The following TRAPPC4 variants were observed in gnomAD, a reference collection of about 807,000 sequenced individuals.
TRAPPC4 encodes the protein trafficking protein particle complex subunit 4.
A neutral mutation model predicts 23.5 loss-of-function variants in TRAPPC4; 30 were observed. That is an observed-to-expected ratio of 1.28 (90% CI 0.96 to 1.73). The LOEUF (loss-of-function observed/expected upper bound fraction) is 1.73, where lower values mean the gene tolerates loss of function less well. Among genes scored for constraint, TRAPPC4 ranks in the 40% most tolerant of loss-of-function variants. The probability of loss-of-function intolerance (pLI) is 0.00; values close to 1 mark genes in which losing one functional copy is unlikely to be tolerated. For missense variants in TRAPPC4, 252 were observed against 268.9 expected (o/e 0.94, Z 0.44); for synonymous variants, 129 against 105.3 (o/e 1.23, Z -1.38).
chr11:119,020,376 C>A, intron 3 of TRAPPC4, 123 bp downstream of exon 3: 2 of 702,930 alleles, frequency 2.8e-6, no homozygotes, highest in Non-Finnish European at 5.0e-6. Flanking sequence ...GGGGGTTGAC[C>A]AAAGACACCT....
intron 1 of TRAPPC4, 59 bp downstream of exon 1, chr11:119,019,029 A>G: frequency 6.3e-7 from 1 of 1,593,292 alleles, no homozygotes; most frequent in Non-Finnish European, 8.6e-7. Context: ...GTGCTGTAGA[A>G]GTGGGCTGGT....
rs1287833370 is a variant in TRAPPC4, at chr11:119,019,291, G to T, written c.324G>T (p.Lys108Asn). Residue 108 changes from lysine (K) to asparagine (N), a missense_variant, in exon 2 of 5, where the codon AAG becomes AAT. Coordinates refer to ENST00000533632, the MANE Select transcript of TRAPPC4 (RefSeq NM_016146.6). ...FGRPRLTSNE[K>N]LMLASMFHSL... ...GGCCCCGCCTCACTTCTAATGAGAA[G>T]CTTATGCTGGCCTCCATGTTCCACT... is the stretch of plus-strand genomic sequence containing the variant. 3 of 1,614,042 alleles carry T rather than the reference G, an allele frequency of 1.9e-6. No individual in the cohort carries two copies. The East Asian group carries it at 6.7e-5, about 36-fold the overall frequency.
intron 2 of TRAPPC4, chr11:119,019,817 C>T (rs1943293301): frequency 9.7e-6 from 2 of 206,862 alleles, no homozygotes; most frequent in South Asian, 1.8e-4. Context: ...GCCAGTTTAA[C>T]TAAATGACCT....
chr11:119,023,570 T>C lies in TRAPPC4; in HGVS notation c.*171T>C, dbSNP rs1943460609. 2 of 588,950 alleles carry C rather than the reference T, an allele frequency of 3.4e-6. No individual in the cohort carries two copies. The highest frequency in any genetic ancestry group is 6.1e-6 in the Non-Finnish European group (2 of 325,418). The allele number at this position is 588,950 out of a possible 1,614,324, so 36.5% of individuals were successfully genotyped here. A position where few individuals can be genotyped will look rare whatever the true frequency, so the allele number is the denominator to read the frequency against. On this transcript the variant is annotated 3_prime_UTR_variant, in exon 5 of 5. Transcript: ENST00000533632. ...GCCTTAACACTGTGCTCTTTCCTTC[T>C]GTATATACCATGGTCTTACTTTCCA...
rs111445695 is a variant in TRAPPC4, at chr11:119,019,781, C to T, written c.351-369C>T. On this transcript the variant is annotated intron_variant, in intron 2 of 4. Coordinates refer to ENST00000533632, the MANE Select transcript of TRAPPC4 (RefSeq NM_016146.6). ...TTAAAGTCAACTTCTCTTCTCTGAG[C>T]CTTAGTTTCTTCATATTTAAAGAAA... 1.3e-3 allele frequency: 255 copies of T among 202,984 alleles called. 2 individuals are homozygous for T. Among genetic ancestry groups the T allele is most frequent in the Non-Finnish European group, 1.8e-3 (177 of 98,008 alleles). The allele number at this position is 202,984 out of a possible 1,614,324, so 12.6% of individuals were successfully genotyped here.
Position 119,020,142 on chromosome 11 carries a change from G to T in TRAPPC4, c.351-8G>T. On this transcript the variant is annotated splice_region_variant and splice_polypyrimidine_tract_variant and intron_variant, in intron 2 of 4. Transcript: ENST00000533632. The stretch of plus-strand genomic sequence containing the variant: ...TCCTTAGAGCAACTTTGCCTCCTTT[G>T]CATATAGGCTCTTTGCCATCGGCTC... The T allele has an allele frequency of 1.2e-6, 2 of 1,611,460 alleles. No individual in the cohort carries two copies. The highest frequency in any genetic ancestry group is 8.5e-7 in the Non-Finnish European group (1 of 1,178,014).
chr11:119,022,823 T>A (rs1943406690), intron 4 of TRAPPC4, among the ~76,000 whole-genome samples: 1 of 151,582 alleles, frequency 6.6e-6, no homozygotes, highest in Non-Finnish European at 1.5e-5. Context: ...ATCGCTTCAA[T>A]CTGGGAGGAA....
At chr11:119,019,033 G>A in intron 1 of TRAPPC4, 63 bp downstream of exon 1, 1 of 1,593,462 alleles carries the variant, frequency 6.3e-7, no homozygotes, top group South Asian at 1.1e-5. Flanking sequence ...TGTAGAAGTG[G>A]GCTGGTTGTA....
In TRAPPC4 at chr11:119,018,984, G is replaced by A. The variant is rs1272075082; in HGVS notation, c.175+14G>A. The A allele has an allele frequency of 3.7e-6, 6 of 1,608,286 alleles. No individual in the cohort carries two copies. The Admixed American group carries it at 6.7e-5, about 18-fold the overall frequency. ...ACGGCATCCGAGGTGGGCTAGGCTC[G>A]GGCCCGTGGCGGGTGCGGGGGTGGG... is the stretch of plus-strand genomic sequence containing the variant. On this transcript the variant is annotated intron_variant, in intron 1 of 4. Coordinates refer to ENST00000533632, the MANE Select transcript of TRAPPC4 (RefSeq NM_016146.6).
At chr11:119,021,418 C>T (rs73559184) in intron 3 of TRAPPC4, 10,671 of 207,208 alleles carry the variant, frequency 0.051, 1,163 homozygotes, top group African/African-American at 0.23. Flanking sequence ...CTTTGGATTG[C>T]CAGTGTCATT....
At chr11:119,020,076 G>A in intron 2 of TRAPPC4, 74 bp from the exon 3 acceptor site, 1 of 1,077,592 alleles carries the variant, frequency 9.3e-7, no homozygotes. Context: ...GAACTCCTCA[G>A]CAAATAGGGA....
At chr11:119,023,178 T>A in intron 4 of TRAPPC4, 143 bp from the exon 5 acceptor site, 1 of 707,402 alleles carries the variant, frequency 1.4e-6, no homozygotes, top group South Asian at 1.7e-5. Flanking sequence ...TTGGCCAGGC[T>A]AGTCTCAAAG....
chr11:119,022,032 TGG>T (rs1260759259), intron 4 of TRAPPC4, 146 bp downstream of exon 4: 70 of 1,056,996 alleles, frequency 6.6e-5, no homozygotes, highest in Non-Finnish European at 9.1e-5. Context: ...TTGCCCAGGC[TGG>T]AGTGCAATGA....
At chr11:119,022,775 T>G (rs1943403743) in intron 4 of TRAPPC4, among the ~76,000 whole-genome samples, 1 of 111,320 alleles carries the variant, frequency 9.0e-6, no homozygotes. Context: ...CGTGTGCACC[T>G]GCAATCCCAG....
intron 4 of TRAPPC4, among the ~76,000 whole-genome samples, chr11:119,022,566 C>A (rs1436250718): frequency 6.6e-6 from 1 of 151,138 alleles, no homozygotes; most frequent in Non-Finnish European, 1.5e-5. Flanking sequence ...CCAGCCTGGG[C>A]AACAGAACAA....
chr11:119,020,649 G>A (rs747469481), intron 3 of TRAPPC4: 80 of 161,688 alleles, frequency 4.9e-4, no homozygotes, highest in South Asian at 1.0e-3. Context: ...GTGATTGCCC[G>A]CCTCCCAAAG....
chr11:119,023,193 G>GACCTCAGCTGATCCGCCC, intron 4 of TRAPPC4, 128 bp from the exon 5 acceptor site: 1 of 824,744 alleles, frequency 1.2e-6, no homozygotes, highest in Non-Finnish European at 2.0e-6. Context: ...TCAAAGTCCT[G>GACCTCAGCTGATCCGCCC]ACCTCAGCTG....
rs782170986 is a variant in TRAPPC4 at position 119,021,745 on chromosome 11, T to C, written c.455-15T>C. ...AGTGTCTACGCTTTGGTAACCATTC[T>C]TGGTCTCTCTCCAGGGATCAAGTTT... On this transcript the variant is annotated splice_polypyrimidine_tract_variant and intron_variant, in intron 3 of 4. Transcript: ENST00000533632. 2 of 1,613,840 alleles carry C rather than the reference T, an allele frequency of 1.2e-6. No homozygotes were observed. The highest frequency in any genetic ancestry group is 1.1e-5 in the South Asian group (1 of 91,028).
rs1044990307 is a variant in TRAPPC4 at position 119,023,990 on chromosome 11, A to G, written c.*591A>G. ...TCTTCACCCTAACTCCAGGGGGTAC[A>G]TTCTGTTACAGATAAGAGATTTAGC... On this transcript the variant is annotated 3_prime_UTR_variant, in exon 5 of 5. Transcript: ENST00000533632. 2.6e-5 allele frequency: 4 copies of G among 152,586 alleles called. No individual in the cohort carries two copies. The highest frequency in any genetic ancestry group is 5.9e-5 in the Non-Finnish European group (4 of 68,358). 9.5% of individuals were successfully genotyped at this position (152,586 alleles called of 1,614,324 possible).
Sources: allele counts gnomAD v4.1 joint callset (sites outside exome capture counted in the v4.1 genomes callset), GRCh38; gene constraint gnomAD v4.1.1; transcripts MANE v1.5; gene names NCBI Gene and HGNC (gene_info 2026-07-23, HGNC 2026-07-21).